IQSEC3: variants seen among roughly 807,000 people sequenced by gnomAD.
The protein encoded by IQSEC3 is IQ motif and SEC7 domain-containing protein 3.
A neutral mutation model predicts 105.4 loss-of-function variants in IQSEC3; 50 were observed. That is an observed-to-expected ratio of 0.47 (90% CI 0.38 to 0.60). The LOEUF is 0.60. Among genes scored for constraint, IQSEC3 ranks in the 20% least tolerant of loss-of-function variants. The pLI, the probability that IQSEC3 is intolerant of heterozygous loss-of-function variation, is 0.00. For missense variants in IQSEC3, 1,415 were observed against 1,630.0 expected (o/e 0.87, Z 2.27); for synonymous variants, 708 against 746.0 (o/e 0.95, Z 0.83).
Position 97,609 on chromosome 12 carries a change from G to T in IQSEC3, c.555-1537G>T, listed in dbSNP as rs117123820. Among the ~76,000 whole-genome samples the T allele has an allele frequency of 2.9e-4, 44 of 152,308 alleles. 1 individual carries two copies. The East Asian group carries it at 7.9e-3, about 27-fold the overall frequency. ...ACGGGAGGATTGCCTGAGGCCAGGA[G>T]TTCGAGACCAGGCTGGGCAACATAG... On this transcript the variant is annotated intron_variant, in intron 1 of 13. Transcript: ENST00000538872.
At chr12:95,826 G>A (rs868969066) in intron 1 of IQSEC3, among the ~76,000 whole-genome samples, 9 of 152,202 alleles carry the variant, frequency 5.9e-5, no homozygotes, top group Middle Eastern at 3.2e-3. Context: ...ATAGGTAGGC[G>A]TAATTCCATG....
In IQSEC3 at chr12:74,747, G is replaced by A. The variant is rs186181391; in HGVS notation, c.554+7311G>A. On this transcript the variant is annotated intron_variant, in intron 1 of 13. Coordinates refer to ENST00000538872, the MANE Select transcript of IQSEC3 (RefSeq NM_001170738.2). ...GCCAGGGTCTCCTAGCCCCATTGGG[G>A]AGTTAACCAGATATCAGAGCTAGAA... Among the ~76,000 whole-genome samples the A allele has an allele frequency of 3.8e-4, 58 of 152,374 alleles. No individual in the cohort carries two copies. The East Asian group carries it at 6.9e-3, about 18-fold the overall frequency.
At chr12:86,629 T>C (rs945627375) in intron 1 of IQSEC3, among the ~76,000 whole-genome samples, 1 of 152,164 alleles carries the variant, frequency 6.6e-6, no homozygotes, top group African/African-American at 2.4e-5. Flanking sequence ...AGACGGACTT[T>C]GAACTCCAGA....
rs782720673 is a variant in IQSEC3 at position 163,494 on chromosome 12, G to A, written c.2584G>A (p.Val862Met). Residue 862 changes from valine (V) to methionine (M), a missense_variant and splice_region_variant, in exon 9 of 14, where the codon GTG (valine) becomes ATG (methionine). Physicochemically the swap from Val to Met is conservative, Grantham distance 21 (BLOSUM62 1). Coordinates refer to ENST00000538872, the MANE Select transcript of IQSEC3 (RefSeq NM_001170738.2). The stretch of plus-strand genomic sequence containing the variant: ...CGCTGAGCGCCCTGCCCGCGTGCAG[G>A]TGCTGTCCGTGCCCCACCGCCGCCT... The part of the protein sequence containing the change: ...VEKSIVGMKT[V>M]LSVPHRRLVC... The A allele has an allele frequency of 3.7e-6, 6 of 1,605,030 alleles. No individual in the cohort carries two copies. The Admixed American group carries it at 8.4e-5, about 22-fold the overall frequency.
chr12:140,398 C>T (rs1398410629), intron 4 of IQSEC3: 1 of 152,162 alleles, frequency 6.6e-6, no homozygotes, highest in African/African-American at 2.4e-5. Context: ...TGACTCTGAA[C>T]CACTCCCACT....
At chr12:118,929 C>T (rs1349031015) in intron 2 of IQSEC3, among the ~76,000 whole-genome samples, 4 of 152,356 alleles carry the variant, frequency 2.6e-5, no homozygotes, top group Admixed American at 2.6e-4. Context: ...GCTGTGTGAG[C>T]ACAAATGCTG....
intron 3 of IQSEC3, among the ~76,000 whole-genome samples, chr12:135,531 C>T (rs1414500023): frequency 6.6e-6 from 1 of 152,222 alleles, no homozygotes; most frequent in African/African-American, 2.4e-5. Context: ...TATATAATCC[C>T]CTTCCCTTGA....
intron 1 of IQSEC3, among the ~76,000 whole-genome samples, chr12:70,401 A>C (rs1863267605): frequency 6.6e-6 from 1 of 152,282 alleles, no homozygotes; most frequent in Admixed American, 6.5e-5. Flanking sequence ...GAAAGCAGCA[A>C]TATGTGGGTG....
chr12:174,563 T>C, intron 13 of IQSEC3, 36 bp from the exon 14 acceptor site: 1 of 1,502,560 alleles, frequency 6.7e-7, no homozygotes, highest in Non-Finnish European at 8.9e-7. Context: ...ATTAGTCTTG[T>C]AACATTTCAT....
At chr12:146,262 C>T (rs966724840) in intron 5 of IQSEC3, among the ~76,000 whole-genome samples, 1 of 152,166 alleles carries the variant, frequency 6.6e-6, no homozygotes, top group Non-Finnish European at 1.5e-5. Flanking sequence ...CTGAGGAATT[C>T]CCATGAGGAA....
chr12:97,037 T>C (rs1294700273), intron 1 of IQSEC3, among the ~76,000 whole-genome samples: 3 of 152,250 alleles, frequency 2.0e-5, no homozygotes, highest in East Asian at 3.8e-4. Flanking sequence ...GTGACTTTAA[T>C]TGGCATTTTC....
Position 139,315 on chromosome 12 carries a change from G to T in IQSEC3, c.1952G>T (p.Arg651Leu). Residue 651 changes from arginine to leucine, a missense_variant, in exon 4 of 14, where the codon CGC (arginine) becomes CTC (leucine). By Grantham distance (102) the Arg-to-Leu change is moderately radical. This residue lies in a region of IQSEC3 where 213 missense variants were observed against 306.2 expected (regional missense o/e 0.70). Transcript: ENST00000538872. ...CCCACGCTCTCCACCGACACCCTGC[G>T]CAAGCGGCTCTACCGCATCGGCCTC... ...KSPTLSTDTLRKRLYRIGLNL... is the reference protein window; with the variant it reads ...KSPTLSTDTLLKRLYRIGLNL... 6.3e-7 allele frequency: 1 copy of T among 1,595,124 alleles called. No homozygotes were observed. Among genetic ancestry groups the T allele is most frequent in the East Asian group, 2.3e-5 (1 of 43,120 alleles).
intron 1 of IQSEC3, among the ~76,000 whole-genome samples, chr12:76,247 G>C (rs1390275599): frequency 6.6e-6 from 1 of 152,264 alleles, no homozygotes; most frequent in Non-Finnish European, 1.5e-5. Context: ...GCTGGATTCC[G>C]GGGTCATGAA....
intron 2 of IQSEC3, among the ~76,000 whole-genome samples, chr12:109,267 A>G (rs755998211): frequency 1.2e-4 from 18 of 152,244 alleles, no homozygotes; most frequent in Non-Finnish European, 2.4e-4. Context: ...ACAGTCGAGC[A>G]GCTGCAGAGG....
intron 2 of IQSEC3, among the ~76,000 whole-genome samples, chr12:121,049 C>G (rs917701923): frequency 1.3e-5 from 2 of 152,222 alleles, no homozygotes; most frequent in Admixed American, 1.3e-4. Context: ...GGACCCCCCT[C>G]CAGTGCTCTG....
At position 146,498 on chromosome 12, in the gene IQSEC3, T is replaced by G. The variant is rs546850984; in HGVS notation, c.2153+5213T>G. On this transcript the variant is annotated intron_variant, in intron 5 of 13. Coordinates refer to ENST00000538872, the MANE Select transcript of IQSEC3 (RefSeq NM_001170738.2). The stretch of plus-strand genomic sequence containing the variant: ...TCTCTACAAAAAAATTTTTTTTAAG[T>G]AGCCAGGTGTGGTGGCGGGCACCTG... Among the ~76,000 whole-genome samples the G allele has an allele frequency of 2.0e-5, 3 of 151,970 alleles. No homozygotes were observed. In the East Asian group the frequency reaches 5.8e-4, roughly 29 times the overall value.
In IQSEC3 at chr12:163,630, T is replaced by C; in HGVS notation, c.2709+11T>C. On this transcript the variant is annotated intron_variant, in intron 9 of 13. Coordinates refer to ENST00000538872, the MANE Select transcript of IQSEC3 (RefSeq NM_001170738.2). ...AATGACCTGCTGGTGGTGAGTGGCC[T>C]CCGCTCCGGGACTGGGCTGGGCTGG... The C allele has an allele frequency of 7.1e-7, 1 of 1,401,586 alleles. No individual in the cohort carries two copies. The highest frequency in any genetic ancestry group is 1.0e-6 in the Non-Finnish European group (1 of 987,578). The allele number at this position is 1,401,586 out of a possible 1,614,324, so 86.8% of individuals were successfully genotyped here.
intron 2 of IQSEC3, among the ~76,000 whole-genome samples, chr12:103,553 GT>G (rs1366580928): frequency 1.2e-4 from 3 of 26,008 alleles, no homozygotes; most frequent in Non-Finnish European, 2.3e-4. Context: ...GTGGAGTTCG[GT>G]GGGGAGGCAG....
rs58741887 is a variant in IQSEC3 at position 112,660 on chromosome 12, G to A, written c.624-12973G>A. Among the ~76,000 whole-genome samples the A allele has an allele frequency of 2.4e-4, 36 of 152,290 alleles. No homozygotes were observed. The East Asian group carries it at 7.0e-3, about 29-fold the overall frequency. On this transcript the variant is annotated intron_variant, in intron 2 of 13. Transcript: ENST00000538872. ...CAACCATAGCATGAGGGGTTGCACT[G>A]TCTAATCCCCAAGGCCCTCTACCAG...
Sources: allele counts gnomAD v4.1 joint callset (sites outside exome capture counted in the v4.1 genomes callset), GRCh38; gene constraint gnomAD v4.1.1; regional missense constraint gnomAD v4.1.1; transcripts MANE v1.5; gene names NCBI Gene and HGNC (gene_info 2026-07-23, HGNC 2026-07-21).